The following MPPED1 variants were observed in gnomAD, a reference collection of about 807,000 sequenced individuals.
MPPED1 encodes the protein metallophosphoesterase domain-containing protein 1.
A neutral mutation model predicts 36.2 loss-of-function variants in MPPED1; 16 were observed. The ratio of observed to expected loss-of-function variants is 0.44; its 90% CI spans 0.30 to 0.67. The LOEUF is 0.67. Ranked by LOEUF, MPPED1 falls within the 30% of genes least tolerant of loss-of-function variation. The pLI is 0.10. For synonymous variants in MPPED1, 199 were observed against 191.3 expected, an observed-to-expected ratio of 1.04 and a Z score of -0.33; for missense variants, 307 against 453.4, an observed-to-expected ratio of 0.68 and a Z score of 2.93.
At chr22:43,413,481 T>A (rs770467014) in intron 1 of MPPED1, among the ~76,000 whole-genome samples, 8 of 152,156 alleles carry the variant, frequency 5.3e-5, no homozygotes, top group Non-Finnish European at 1.2e-4. Flanking sequence ...AAGCCAGATC[T>A]TGGTGTACAG....
intron 1 of MPPED1, among the ~76,000 whole-genome samples, chr22:43,421,856 A>G (rs1201897992): frequency 6.6e-6 from 1 of 152,248 alleles, no homozygotes; most frequent in Admixed American, 6.5e-5. Context: ...ACTGTCTGCT[A>G]GGCTCTGTGA....
chr22:43,469,633 A>G (rs1186464808), intron 3 of MPPED1, among the ~76,000 whole-genome samples: 1 of 152,194 alleles, frequency 6.6e-6, no homozygotes, highest in Admixed American at 6.5e-5. Context: ...CCCACCTGCA[A>G]GAGAGCATGT....
At chr22:43,426,035 G>C (rs183880663) in intron 2 of MPPED1, among the ~76,000 whole-genome samples, 1 of 152,276 alleles carries the variant, frequency 6.6e-6, no homozygotes, top group African/African-American at 2.4e-5. Flanking sequence ...GTGGTTCCCT[G>C]AGTTCCTGGA....
In MPPED1 at chr22:43,482,404, G is replaced by A. The variant is rs546892798; in HGVS notation, c.632+7443G>A. ...CGGCTCAGGGGTTTCACTGTCTCCC[G>A]GCAGGGCTGGACCTCAAGGCCAGGC... On this transcript the variant is annotated intron_variant, in intron 4 of 6. Coordinates refer to ENST00000443721, the MANE Select transcript of MPPED1 (RefSeq NM_001044370.2). Among the ~76,000 whole-genome samples, 76 of 152,132 alleles carry A rather than the reference G, an allele frequency of 5.0e-4. No homozygotes were observed. The South Asian group carries it at 0.014, about 28-fold the overall frequency.
At chr22:43,445,797 T>C (rs1930319639) in intron 3 of MPPED1, among the ~76,000 whole-genome samples, 1 of 151,636 alleles carries the variant, frequency 6.6e-6, no homozygotes, top group Admixed American at 6.6e-5. Context: ...CTCGAACTCC[T>C]GGGCTCAGGC....
chr22:43,471,707 T>C (rs1442259522), intron 3 of MPPED1, among the ~76,000 whole-genome samples: 2 of 152,196 alleles, frequency 1.3e-5, no homozygotes, highest in African/African-American at 4.8e-5. Context: ...GGCTTCTCTG[T>C]ACCATGCCTG....
At chr22:43,475,560 T>G in intron 4 of MPPED1, among the ~76,000 whole-genome samples, 1 of 139,052 alleles carries the variant, frequency 7.2e-6, no homozygotes, top group African/African-American at 2.8e-5. Context: ...GTGATGGTGG[T>G]GATGATGATG....
At chr22:43,480,276 G>C (rs1931708715) in intron 4 of MPPED1, among the ~76,000 whole-genome samples, 1 of 152,164 alleles carries the variant, frequency 6.6e-6, no homozygotes, top group South Asian at 2.1e-4. Flanking sequence ...ATAACTACTG[G>C]GGGCAGGGGC....
chr22:43,483,952 T>C (rs1931830326), intron 4 of MPPED1, among the ~76,000 whole-genome samples: 1 of 152,240 alleles, frequency 6.6e-6, no homozygotes, highest in South Asian at 2.1e-4. Context: ...TTCTGCTGTT[T>C]TCCTGAAGCC....
intron 3 of MPPED1, among the ~76,000 whole-genome samples, chr22:43,448,618 A>G (rs1236532862): frequency 7.3e-6 from 1 of 137,112 alleles, no homozygotes; most frequent in Non-Finnish European, 1.6e-5. Context: ...TTATTTATTT[A>G]TTGAGACAGA....
rs1391135484 is a variant in MPPED1 at position 43,447,879 on chromosome 22, A to G, written c.406+12664A>G. Among the ~76,000 whole-genome samples, 34 of 33,588 alleles carry G rather than the reference A, an allele frequency of 1.0e-3. 2 individuals are homozygous for G. Among genetic ancestry groups the G allele is most frequent in the African/African-American group, 6.1e-3 (33 of 5,422 alleles). The allele number at this position is 33,588 out of a possible 152,430, so 22.0% of individuals were successfully genotyped here. A position where few individuals can be genotyped will look rare whatever the true frequency, so the allele number is the denominator to read the frequency against. On this transcript the variant is annotated intron_variant, in intron 3 of 6. Coordinates refer to ENST00000443721, the MANE Select transcript of MPPED1 (RefSeq NM_001044370.2). ...AAATATTATATATATATATATATATATATATTTTTTTTTTTTTTAGACAAA... is the reference window on the plus strand; with the variant it reads ...AAATATTATATATATATATATATATGTATATTTTTTTTTTTTTTAGACAAA...
intron 3 of MPPED1, among the ~76,000 whole-genome samples, chr22:43,444,438 C>T (rs1005101863): frequency 2.7e-5 from 4 of 147,562 alleles, no homozygotes; most frequent in Non-Finnish European, 5.9e-5. Flanking sequence ...GCGATCTCAG[C>T]TCACTGCAAC....
chr22:43,503,393 C>G (rs1932766041), intron 6 of MPPED1, among the ~76,000 whole-genome samples: 2 of 152,194 alleles, frequency 1.3e-5, no homozygotes, highest in Non-Finnish European at 2.9e-5. Flanking sequence ...CCCAAGGCCT[C>G]TCTGTCACAT....
At chr22:43,472,286 T>C (rs1931402807) in intron 3 of MPPED1, among the ~76,000 whole-genome samples, 2 of 152,252 alleles carry the variant, frequency 1.3e-5, no homozygotes, top group African/African-American at 4.8e-5. Flanking sequence ...TGGATGGGTC[T>C]GGCCTGCCTG....
intron 4 of MPPED1, among the ~76,000 whole-genome samples, chr22:43,482,900 G>C (rs1931794993): frequency 6.6e-6 from 1 of 152,328 alleles, no homozygotes; most frequent in South Asian, 2.1e-4. Context: ...GAGCAGCCTG[G>C]AACTTGAAAT....
intron 6 of MPPED1, among the ~76,000 whole-genome samples, chr22:43,504,379 A>G (rs28501581): frequency 0.58 from 87,335 of 151,850 alleles, 26,716 homozygotes; most frequent in African/African-American, 0.76. Flanking sequence ...GATAGTGATG[A>G]TGGTGGTATG....
chr22:43,416,260 A>C (rs1009196027), intron 1 of MPPED1, among the ~76,000 whole-genome samples: 2 of 152,226 alleles, frequency 1.3e-5, no homozygotes, highest in Admixed American at 1.3e-4. Context: ...AATTGATCAT[A>C]CTTGGGAGGT....
intron 4 of MPPED1, among the ~76,000 whole-genome samples, chr22:43,485,936 G>A (rs28681338): frequency 0.13 from 20,006 of 152,248 alleles, 1,387 homozygotes; most frequent in East Asian, 0.2. Context: ...GTCCCCTCTC[G>A]GGCAGCCATC....
At chr22:43,442,599 G>T (rs577992602) in intron 3 of MPPED1, among the ~76,000 whole-genome samples, 11 of 152,186 alleles carry the variant, frequency 7.2e-5, no homozygotes, top group Non-Finnish European at 1.5e-4. Flanking sequence ...TGGGAATGGG[G>T]TGCCAAGCTC....
Sources: allele counts gnomAD v4.1 joint callset (sites outside exome capture counted in the v4.1 genomes callset), GRCh38; gene constraint gnomAD v4.1.1; transcripts MANE v1.5; gene names NCBI Gene and HGNC (gene_info 2026-07-23, HGNC 2026-07-21).